Variants in KIZ observed in about 807,000 individuals in gnomAD.
KIZ encodes centrosomal protein kizuna.
A neutral mutation model predicts 79.6 loss-of-function variants in KIZ; 68 were observed. That is an observed-to-expected ratio of 0.85 (90% CI 0.70 to 1.05). The LOEUF is 1.05. Ranked by LOEUF, KIZ falls within the 50% of genes least tolerant of loss-of-function variation. The pLI is 0.00. For synonymous variants in KIZ, 280 were observed against 281.8 expected (o/e 0.99, Z 0.06); for missense variants, 797 against 800.4 (o/e 1.00, Z 0.05).
chr20:21,140,878 C>T (rs1326798517), intron 3 of KIZ, among the ~76,000 whole-genome samples: 1 of 151,794 alleles, frequency 6.6e-6, no homozygotes, highest in Non-Finnish European at 1.5e-5. Flanking sequence ...GGAGTGTGCA[C>T]CAGTAGTCTC....
At chr20:21,186,640 A>G (rs1487100173) in intron 6 of KIZ, among the ~76,000 whole-genome samples, 1 of 151,100 alleles carries the variant, frequency 6.6e-6, no homozygotes, top group African/African-American at 2.4e-5. Flanking sequence ...TCAAAATTAT[A>G]AAGAGTAATT....
chr20:21,128,764 A>G (rs2031649182), intron 1 of KIZ, among the ~76,000 whole-genome samples: 1 of 152,218 alleles, frequency 6.6e-6, no homozygotes. Context: ...CATCCTTTTA[A>G]AAGGGCCCAT....
In KIZ at chr20:21,145,606, A is replaced by C. The variant is rs1314059359; in HGVS notation, c.357A>C (p.Lys119Asn). Residue 119 changes from lysine to asparagine, a missense_variant, in exon 4 of 13, where the codon AAA becomes AAC. Coordinates refer to ENST00000619189, the MANE Select transcript of KIZ (RefSeq NM_018474.6). ...ETQIKKMLCS[K>N]DSLGLKEELT... ...AAATTAAGAAGATGCTATGCTCAAA[A>C]GATAGCCTGGGACTAAAAGAGGAAC... is the stretch of plus-strand genomic sequence containing the variant. 1.3e-6 allele frequency: 2 copies of C among 1,530,420 alleles called. No individual in the cohort carries two copies. Among genetic ancestry groups the C allele is most frequent in the Non-Finnish European group, 8.8e-7 (1 of 1,132,110 alleles). The allele number at this position is 1,530,420 out of a possible 1,614,324, so 94.8% of individuals were successfully genotyped here.
rs149560872 is a variant in KIZ at position 21,229,151 on chromosome 20, G to A, written c.1783+36G>A. On this transcript the variant is annotated intron_variant, in intron 10 of 12. Transcript: ENST00000619189. The stretch of plus-strand genomic sequence containing the variant: ...GCAGATGGCAGTGTCCAGGGGCCCA[G>A]AGTGGCAGGCAGGGCTGTGTTCGGG... 849 of 1,243,434 alleles carry A rather than the reference G, an allele frequency of 6.8e-4. 4 individuals carry two copies. The African/African-American group carries it at 0.011, about 16-fold the overall frequency. The allele number at this position is 1,243,434 out of a possible 1,614,324, so 77.0% of individuals were successfully genotyped here.
intron 4 of KIZ, among the ~76,000 whole-genome samples, chr20:21,159,778 G>T (rs538278031): frequency 1.3e-3 from 198 of 152,278 alleles, no homozygotes; most frequent in Non-Finnish European, 2.1e-3. Context: ...GGCCATTGGA[G>T]TTATCTCCAC....
At chr20:21,135,735 A>G (rs2122362113) in intron 2 of KIZ, among the ~76,000 whole-genome samples, 1 of 152,328 alleles carries the variant, frequency 6.6e-6, no homozygotes, top group Middle Eastern at 3.4e-3. Context: ...TGAACTATCC[A>G]GTATGTTTTT....
chr20:21,206,599 A>T (rs1324975731), intron 7 of KIZ, among the ~76,000 whole-genome samples: 2 of 152,206 alleles, frequency 1.3e-5, no homozygotes, highest in Non-Finnish European at 2.9e-5. Flanking sequence ...GGATGGTGAG[A>T]AGGAGCACAA....
chr20:21,231,618 G>C (rs1160118684), intron 10 of KIZ, among the ~76,000 whole-genome samples: 1 of 152,136 alleles, frequency 6.6e-6, no homozygotes, highest in Non-Finnish European at 1.5e-5. Flanking sequence ...ATTGTAGTCA[G>C]ATCCTTTGGC....
chr20:21,237,893 G>A (rs118056616), intron 11 of KIZ, among the ~76,000 whole-genome samples: 2,470 of 152,208 alleles, frequency 0.016, 28 homozygotes, highest in Non-Finnish European at 0.025. Context: ...ACAGTGACAC[G>A]ATCTCCGCTC....
Position 21,163,244 on chromosome 20 carries a change from G to A in KIZ, c.1352+85G>A, listed in dbSNP as rs1200457683. ...ACCATTCCACTGGGAATGTATTATC[G>A]AGCACTCAGCCATGAATGTGTAAAT... On this transcript the variant is annotated intron_variant, in intron 6 of 12. Coordinates refer to ENST00000619189, the MANE Select transcript of KIZ (RefSeq NM_018474.6). 2.2e-5 allele frequency: 20 copies of A among 911,452 alleles called. No individual in the cohort carries two copies. The Admixed American group carries it at 4.1e-4, about 19-fold the overall frequency. 56.5% of individuals were successfully genotyped at this position (911,452 alleles called of 1,614,324 possible).
intron 9 of KIZ, among the ~76,000 whole-genome samples, chr20:21,227,367 A>G (rs1265988513): frequency 2.0e-5 from 3 of 152,194 alleles, no homozygotes; most frequent in Non-Finnish European, 4.4e-5. Flanking sequence ...TCCAGTGGCC[A>G]GGAGGCTTTG....
At chr20:21,215,056 A>G (rs2036230104) in intron 8 of KIZ, among the ~76,000 whole-genome samples, 1 of 152,258 alleles carries the variant, frequency 6.6e-6, no homozygotes, top group Non-Finnish European at 1.5e-5. Context: ...ATCACCTAAT[A>G]GAATTTTCTC....
chr20:21,188,816 C>T (rs969000306), intron 6 of KIZ, among the ~76,000 whole-genome samples: 4 of 151,906 alleles, frequency 2.6e-5, no homozygotes, highest in African/African-American at 9.7e-5. Context: ...TCTCCTGCCT[C>T]AGCCTCCCAA....
intron 6 of KIZ, among the ~76,000 whole-genome samples, chr20:21,193,777 T>C (rs2035216709): frequency 6.9e-6 from 1 of 144,908 alleles, no homozygotes; most frequent in South Asian, 2.2e-4. Flanking sequence ...ACACCGCATG[T>C]TCTCACTCAT....
intron 6 of KIZ, among the ~76,000 whole-genome samples, chr20:21,182,842 A>G (rs111743189): frequency 0.048 from 7,183 of 150,394 alleles, 572 homozygotes; most frequent in African/African-American, 0.17. Flanking sequence ...AATATTTTAG[A>G]CTTCTTTTCT....
chr20:21,136,398 T>G lies in KIZ; in HGVS notation c.161T>G (p.Leu54Arg). The G allele has an allele frequency of 2.0e-6, 3 of 1,517,466 alleles. No homozygotes were observed. The highest frequency in any genetic ancestry group is 2.7e-6 in the Non-Finnish European group (3 of 1,114,976). The allele number at this position is 1,517,466 out of a possible 1,614,324, so 94.0% of individuals were successfully genotyped here. ...YNQSDTCRVK[L>R]KYVKLKNYLK... Reference sequence around the variant, plus strand: ...TGCTTTTAATTTTCTAGAGTTAAGCTGAAATATGTAAAACTAAAGAATTAT... The same window carrying G: ...TGCTTTTAATTTTCTAGAGTTAAGCGGAAATATGTAAAACTAAAGAATTAT... The change falls in exon 3 of 13, where the codon CTG becomes CGG. Residue 54 changes from leucine to arginine, a missense_variant. Physicochemically the swap from Leu to Arg is moderately radical, Grantham distance 102 (BLOSUM62 -2). Coordinates refer to ENST00000619189, the MANE Select transcript of KIZ (RefSeq NM_018474.6).
At chr20:21,182,051 G>A (rs984124657) in intron 6 of KIZ, among the ~76,000 whole-genome samples, 3 of 152,210 alleles carry the variant, frequency 2.0e-5, no homozygotes, top group Non-Finnish European at 4.4e-5. Flanking sequence ...CAAAGTGGCA[G>A]CAGCAGTGCT....
At chr20:21,163,453 G>C (rs2073505433) in intron 6 of KIZ, among the ~76,000 whole-genome samples, 3 of 152,108 alleles carry the variant, frequency 2.0e-5, no homozygotes, top group Admixed American at 2.0e-4. Context: ...TAACTTATAA[G>C]TCATTCCCCA....
chr20:21,183,047 A>G (rs1388281803), intron 6 of KIZ, among the ~76,000 whole-genome samples: 1 of 152,130 alleles, frequency 6.6e-6, no homozygotes, highest in Admixed American at 6.5e-5. Flanking sequence ...GGGTCCCATG[A>G]AAAGGAAGAA....
Sources: allele counts gnomAD v4.1 joint callset (sites outside exome capture counted in the v4.1 genomes callset), GRCh38; gene constraint gnomAD v4.1.1; transcripts MANE v1.5; gene names NCBI Gene and HGNC (gene_info 2026-07-23, HGNC 2026-07-21).